The following ERICH5 variants were observed in gnomAD, a reference collection of about 807,000 sequenced individuals.
ERICH5 encodes the protein glutamate rich 5.
In ERICH5, 24 loss-of-function variants were observed where a neutral mutation model predicts 28.0. The observed-to-expected ratio is 0.86, with a 90% confidence interval of 0.62 to 1.21. ERICH5 has a LOEUF of 1.21. Among genes scored for constraint, ERICH5 ranks in the 50% most tolerant of loss-of-function variants. The pLI is 0.00. For missense variants in ERICH5, 421 were observed against 441.2 expected (o/e 0.95, Z 0.41); for synonymous variants, 163 against 157.6 (o/e 1.03, Z -0.25).
intron 2 of ERICH5, among the ~76,000 whole-genome samples, chr8:98,091,935 T>TCCCC (rs757563013): frequency 1.1e-5 from 1 of 87,932 alleles, no homozygotes; most frequent in African/African-American, 4.8e-5. Context: ...CTTTCTTTCT[T>TCCCC]CCTTTCTTTC....
chr8:98,072,386 G>A (rs1814934626), intron 1 of ERICH5, among the ~76,000 whole-genome samples: 1 of 152,208 alleles, frequency 6.6e-6, no homozygotes, highest in Non-Finnish European at 1.5e-5. Flanking sequence ...TGTGAGCACA[G>A]CACTTTGGGA....
In ERICH5 at chr8:98,089,644, G is replaced by A. The variant is rs1815345753; in HGVS notation, c.627G>A (p.Val209=). The A allele has an allele frequency of 1.2e-6, 2 of 1,614,044 alleles. No homozygotes were observed. Among genetic ancestry groups the A allele is most frequent in the African/African-American group, 2.7e-5 (2 of 75,042 alleles). Residue 209 remains valine, a synonymous_variant, in exon 2 of 3, where the codon GTG becomes GTA. Transcript: ENST00000318528. The part of the protein sequence containing the change: ...IAGELQPQGT[V]GKDEQAPLLE... ...GAGAGCTACAACCTCAGGGCACAGTGGGAAAGGATGAGCAGGCCCCGCTTC... is the reference window on the plus strand; with the variant it reads ...GAGAGCTACAACCTCAGGGCACAGTAGGAAAGGATGAGCAGGCCCCGCTTC...
At position 98,093,233 on chromosome 8, in the gene ERICH5, A is replaced by G; in HGVS notation, c.1025A>G (p.Glu342Gly). 6 of 1,608,070 alleles carry G rather than the reference A, an allele frequency of 3.7e-6. No individual in the cohort carries two copies. The highest frequency in any genetic ancestry group is 5.1e-6 in the Non-Finnish European group (6 of 1,175,918). Residue 342 changes from glutamate (E) to glycine (G), a missense_variant, in exon 3 of 3, where the codon GAA becomes GGA. By Grantham distance (98) the Glu-to-Gly change is moderately conservative. Transcript: ENST00000318528. Reference sequence around the variant, plus strand: ...GTTACTTTTCCAGGTGAGACAGGGGAAAAGGTGGAAACAGACATGGAGAAT... The same window carrying G: ...GTTACTTTTCCAGGTGAGACAGGGGGAAAGGTGGAAACAGACATGGAGAAT... ...EDQRIEGETG[E>G]KVETDMENEK...
At position 98,089,945 on chromosome 8, in the gene ERICH5, C is replaced by T; in HGVS notation, c.928C>T (p.His310Tyr). Residue 310 changes from histidine (H) to tyrosine (Y), a missense_variant, in exon 2 of 3, where the codon CAT (histidine) becomes TAT (tyrosine). Coordinates refer to ENST00000318528, the MANE Select transcript of ERICH5 (RefSeq NM_173549.3). ...QPEGIVGSMEHPARNVEAGAY... is the reference protein window; with the variant it reads ...QPEGIVGSMEYPARNVEAGAY... ...TGAAGGAATAGTTGGAAGCATGGAG[C>T]ATCCAGCACGAAATGTAGAGGCAGG... is the stretch of plus-strand genomic sequence containing the variant. 1 of 1,614,194 alleles carries T rather than the reference C, an allele frequency of 6.2e-7. No homozygotes were observed.
intron 1 of ERICH5, among the ~76,000 whole-genome samples, chr8:98,082,527 C>T (rs1381366513): frequency 2.0e-5 from 3 of 151,912 alleles, no homozygotes; most frequent in Non-Finnish European, 4.4e-5. Flanking sequence ...TGCCTATAGT[C>T]CCAGCTACTC....
Position 98,082,862 on chromosome 8 carries a change from C to T in ERICH5, c.59-6214C>T, listed in dbSNP as rs377643845. ...CTCTAGCCTTGGTGACGGATTGAGACCCTGTCTCAACAACGACAATAAAAG... is the reference window on the plus strand; with the variant it reads ...CTCTAGCCTTGGTGACGGATTGAGATCCTGTCTCAACAACGACAATAAAAG... On this transcript the variant is annotated intron_variant, in intron 1 of 2. Coordinates refer to ENST00000318528, the MANE Select transcript of ERICH5 (RefSeq NM_173549.3). Among the ~76,000 whole-genome samples the T allele has an allele frequency of 3.3e-4, 50 of 152,122 alleles. 2 individuals are homozygous for T. The highest frequency in any genetic ancestry group is 1.2e-3 in the African/African-American group (48 of 41,488).
intron 1 of ERICH5, among the ~76,000 whole-genome samples, chr8:98,071,260 A>G (rs1814913027): frequency 6.6e-6 from 1 of 152,166 alleles, no homozygotes; most frequent in African/African-American, 2.4e-5. Context: ...TTGGGTGACA[A>G]GAGCAAAACT....
At position 98,073,534 on chromosome 8, in the gene ERICH5, A is replaced by C. The variant is rs1276398556; in HGVS notation, c.58+8807A>C. Among the ~76,000 whole-genome samples the C allele has an allele frequency of 6.2e-4, 20 of 32,492 alleles. 2 individuals carry two copies. The highest frequency in any genetic ancestry group is 2.6e-3 in the African/African-American group (19 of 7,282). 21.3% of individuals were successfully genotyped at this position (32,492 alleles called of 152,430 possible). ...TATATATGTATATATATATATATAT[A>C]TATATATATATAATTTTTTTTTTTT... On this transcript the variant is annotated intron_variant, in intron 1 of 2. Coordinates refer to ENST00000318528, the MANE Select transcript of ERICH5 (RefSeq NM_173549.3).
At chr8:98,081,297 G>A (rs1466837442) in intron 1 of ERICH5, among the ~76,000 whole-genome samples, 3 of 151,982 alleles carry the variant, frequency 2.0e-5, no homozygotes, top group Non-Finnish European at 4.4e-5. Flanking sequence ...GGTAGAGACA[G>A]GTTTCGCCAT....
At chr8:98,076,288 A>G (rs1334875986) in intron 1 of ERICH5, among the ~76,000 whole-genome samples, 2 of 151,448 alleles carry the variant, frequency 1.3e-5, no homozygotes, top group East Asian at 2.0e-4. Flanking sequence ...TCCTGACCTC[A>G]AGTGATTCGC....
intron 1 of ERICH5, among the ~76,000 whole-genome samples, chr8:98,073,446 A>G (rs1389775081): frequency 6.5e-5 from 1 of 15,490 alleles, no homozygotes; most frequent in African/African-American, 4.0e-4. Context: ...ATATATATAT[A>G]TATATATATA....
chr8:98,078,611 G>C (rs1815104124), intron 1 of ERICH5, among the ~76,000 whole-genome samples: 1 of 152,304 alleles, frequency 6.6e-6, no homozygotes, highest in African/African-American at 2.4e-5. Context: ...GTTAGCTTTA[G>C]TTCTAATCCC....
intron 1 of ERICH5, among the ~76,000 whole-genome samples, chr8:98,076,088 C>G (rs75336335): frequency 1.4e-5 from 2 of 146,712 alleles, no homozygotes; most frequent in African/African-American, 2.6e-5. Flanking sequence ...CTCTCTCTCT[C>G]TGTCACCCAG....
intron 2 of ERICH5, among the ~76,000 whole-genome samples, chr8:98,092,570 A>G (rs1448767781): frequency 6.6e-6 from 1 of 152,080 alleles, no homozygotes; most frequent in Admixed American, 6.5e-5. Flanking sequence ...TTGCCAAAGC[A>G]TTGGGATTAC....
intron 1 of ERICH5, among the ~76,000 whole-genome samples, chr8:98,070,660 C>CAAAAAAAGAAAAAAAAAAAAAAAAAA (rs1814897262): frequency 2.6e-5 from 1 of 38,758 alleles, no homozygotes; most frequent in African/African-American, 9.0e-5. Context: ...AACTGCATCT[C>CAAAAAAAGAAAAAAAAAAAAAAAAAA]AAAAAAAAAA....
chr8:98,065,733 G>T (rs1346896550), intron 1 of ERICH5, among the ~76,000 whole-genome samples: 1 of 152,218 alleles, frequency 6.6e-6, no homozygotes, highest in African/African-American at 2.4e-5. Flanking sequence ...AGCAAACTCC[G>T]TCAAGCTAGT....
intron 1 of ERICH5, among the ~76,000 whole-genome samples, chr8:98,075,547 T>C (rs1468033557): frequency 6.6e-6 from 1 of 152,152 alleles, no homozygotes; most frequent in Non-Finnish European, 1.5e-5. Context: ...GAATTGCATG[T>C]AGGTGCCTAA....
Position 98,091,900 on chromosome 8 carries a change from C to CTTTT in ERICH5, c.1013-1321_1013-1320insTTTT. On this transcript the variant is annotated intron_variant, in intron 2 of 2. Transcript: ENST00000318528. ...TCTTTCTTTCTTTCTTTCTTTCTTT[C>CTTTT]CTTTCTTTCTTTCTTTCTTCCTTTC... is the stretch of plus-strand genomic sequence containing the variant. Among the ~76,000 whole-genome samples the CTTTT allele has an allele frequency of 2.5e-3, 187 of 74,706 alleles. 2 individuals are homozygous for CTTTT. The highest frequency in any genetic ancestry group is 3.7e-3 in the South Asian group (8 of 2,180). 49.0% of individuals were successfully genotyped at this position (74,706 alleles called of 152,430 possible).
At chr8:98,091,842 TTCTTTCTTTCTTTC>T (rs1815392411) in intron 2 of ERICH5, among the ~76,000 whole-genome samples, 2 of 66,356 alleles carry the variant, frequency 3.0e-5, no homozygotes, top group African/African-American at 5.8e-5. Flanking sequence ...TTCTTTTTCT[TTCTTTCTTTCTTTC>T]TTTCTTTCTT....
Sources: gnomAD v4.1 joint callset for allele counts (sites outside exome capture counted in the v4.1 genomes callset) on GRCh38, gnomAD v4.1.1 for gene constraint, MANE v1.5 for transcripts, NCBI Gene and HGNC (gene_info 2026-07-23, HGNC 2026-07-21) for gene names.